Variants in RARS2 observed in about 807,000 individuals in gnomAD.
RARS2 encodes the protein probable arginine--tRNA ligase, mitochondrial.
A neutral mutation model predicts 88.5 loss-of-function variants in RARS2; 67 were observed. The observed-to-expected ratio is 0.76, with a 90% CI of 0.62 to 0.93. The LOEUF (loss-of-function observed/expected upper bound fraction) is 0.93. Among genes scored for constraint, RARS2 ranks in the 40% least tolerant of loss-of-function variants. The probability of loss-of-function intolerance (pLI) is 0.00; values close to 1 mark genes in which losing one functional copy is unlikely to be tolerated. For missense variants in RARS2, 664 were observed against 684.2 expected (o/e 0.97, Z 0.33); for synonymous variants, 239 against 230.3 (o/e 1.04, Z -0.34).
At chr6:87,550,323 G>A (rs1000192297) in intron 5 of RARS2, among the ~76,000 whole-genome samples, 3 of 152,148 alleles carry the variant, frequency 2.0e-5, no homozygotes, top group Admixed American at 6.5e-5. Flanking sequence ...AGCAAACAAG[G>A]GGAGTCCTAG....
rs750258974 is a variant in RARS2, at chr6:87,516,851, T to C, written c.1541A>G (p.Gln514Arg). The part of the protein sequence containing the change: ...RFDEVLYKSS[Q>R]DFQPRHIVSY... Reference sequence around the variant, plus strand: ...GACGATATGCCTGGGTTGAAAGTCCTGAGATGATTTATAAAGCACCTCGTC... The same window carrying C: ...GACGATATGCCTGGGTTGAAAGTCCCGAGATGATTTATAAAGCACCTCGTC... The change falls in exon 18 of 20, where the codon CAG becomes CGG. Residue 514 changes from glutamine to arginine, a missense_variant. Gln to Arg is a conservative substitution (Grantham distance 43, BLOSUM62 1). Transcript: ENST00000369536. 2 of 1,613,858 alleles carry C rather than the reference T, an allele frequency of 1.2e-6. No individual in the cohort carries two copies. The highest frequency in any genetic ancestry group is 1.7e-6 in the Non-Finnish European group (2 of 1,179,838).
chr6:87,578,268 A>G (rs1158322482), intron 1 of RARS2, among the ~76,000 whole-genome samples: 2 of 152,224 alleles, frequency 1.3e-5, no homozygotes, highest in Non-Finnish European at 2.9e-5. Flanking sequence ...ATAAAAACTC[A>G]TTATAATACA....
At chr6:87,530,653 T>A in intron 9 of RARS2, 131 bp downstream of exon 9, 1 of 1,236,658 alleles carries the variant, frequency 8.1e-7, no homozygotes, top group African/African-American at 1.5e-5. Context: ...AAAAAAAATT[T>A]GAGTCTTAAT....
intron 1 of RARS2, among the ~76,000 whole-genome samples, chr6:87,586,105 C>A (rs1384165547): frequency 1.3e-5 from 2 of 152,012 alleles, no homozygotes; most frequent in Admixed American, 6.6e-5. Context: ...TTTCTTGATA[C>A]ATGGAGAATG....
In RARS2 at chr6:87,530,708, C is replaced by T. The variant is rs1016941439; in HGVS notation, c.771+76G>A. The T allele has an allele frequency of 1.9e-5, 30 of 1,545,930 alleles. No homozygotes were observed. In the Middle Eastern group the frequency reaches 6.8e-4, roughly 35 times the overall value. On this transcript the variant is annotated intron_variant, in intron 9 of 19. Transcript: ENST00000369536. ...CTATTTTTAAAACACAAGCTTAACA[C>T]GCAACTTTACTATGCAGGTAACAGC... is the stretch of plus-strand genomic sequence containing the variant.
chr6:87,548,203 A>T (rs1281605461), intron 6 of RARS2, among the ~76,000 whole-genome samples: 1 of 152,118 alleles, frequency 6.6e-6, no homozygotes, highest in East Asian at 1.9e-4. Flanking sequence ...AGATTGCGCC[A>T]CTGCACTCCA....
At chr6:87,589,672 T>C in intron 1 of RARS2, 1 of 982,348 alleles carries the variant, frequency 1.0e-6, no homozygotes. Context: ...AGCTGTGGGG[T>C]GGGAAGGAGA....
chr6:87,529,689 T>C (rs367622665), intron 9 of RARS2, 41 bp from the exon 10 acceptor site: 12 of 1,414,266 alleles, frequency 8.5e-6, no homozygotes, highest in Admixed American at 6.7e-5. Context: ...AAATGTTAAT[T>C]GAATCTCCTA....
At chr6:87,572,649 C>T (rs1444273091) in intron 1 of RARS2, among the ~76,000 whole-genome samples, 1 of 152,066 alleles carries the variant, frequency 6.6e-6, no homozygotes, top group Non-Finnish European at 1.5e-5. Flanking sequence ...ACTGTAGCCT[C>T]GACCTCCTGG....
intron 8 of RARS2, among the ~76,000 whole-genome samples, chr6:87,535,270 A>G (rs1422193203): frequency 6.6e-6 from 1 of 152,212 alleles, no homozygotes; most frequent in African/African-American, 2.4e-5. Flanking sequence ...ATATCCCTAC[A>G]TATGATGAGA....
chr6:87,571,187 T>C (rs1337692821), intron 1 of RARS2, among the ~76,000 whole-genome samples: 1 of 152,152 alleles, frequency 6.6e-6, no homozygotes, highest in African/African-American at 2.4e-5. Flanking sequence ...CCATTCTGTT[T>C]TCGTGACAGT....
At chr6:87,516,447 C>T (rs1450643946) in intron 18 of RARS2, among the ~76,000 whole-genome samples, 1 of 152,178 alleles carries the variant, frequency 6.6e-6, no homozygotes, top group East Asian at 1.9e-4. Context: ...GGGCTTTCTT[C>T]TTCTTCCCAG....
rs1279324419 is a variant in RARS2, at chr6:87,584,570, A to C, written c.36+5352T>G. The C allele has an allele frequency of 4.6e-5, 15 of 325,958 alleles. No individual in the cohort carries two copies. The East Asian group carries it at 1.4e-3, about 31-fold the overall frequency. 20.2% of individuals were successfully genotyped at this position (325,958 alleles called of 1,614,324 possible). A position where few individuals can be genotyped will look rare whatever the true frequency, so the allele number is the denominator to read the frequency against. ...ATCATCTTACAGCTGACTTGCCAAG[A>C]GTTAGTTACACAAATAGTGAAGCTA... On this transcript the variant is annotated intron_variant, in intron 1 of 19. Coordinates refer to ENST00000369536, the MANE Select transcript of RARS2 (RefSeq NM_020320.5).
At chr6:87,561,080 T>C (rs763196794) in intron 4 of RARS2, among the ~76,000 whole-genome samples, 17 of 152,194 alleles carry the variant, frequency 1.1e-4, no homozygotes, top group Non-Finnish European at 2.1e-4. Flanking sequence ...ATCCTACTTA[T>C]TAAAAAATGG....
intron 6 of RARS2, 144 bp from the exon 7 acceptor site, chr6:87,545,843 T>C (rs1782470190): frequency 1.0e-6 from 1 of 980,232 alleles, no homozygotes; most frequent in African/African-American, 1.7e-5. Context: ...AAAACATTCA[T>C]CATTGTGTTT....
At position 87,560,913 on chromosome 6, in the gene RARS2, C is replaced by G. The variant is rs572040391; in HGVS notation, c.297+1789G>C. On this transcript the variant is annotated intron_variant, in intron 4 of 19. Transcript: ENST00000369536. ...CAAAAAAAACCATGCAAATGACCAT[C>G]ATCTGAGACCTAAAACTTATGGTGT... 1.1e-4 allele frequency among the ~76,000 whole-genome samples: 16 copies of G among 152,230 alleles called. No homozygotes were observed. In the South Asian group the frequency reaches 2.9e-3, roughly 28 times the overall value.
At chr6:87,547,765 G>A (rs983238477) in intron 6 of RARS2, among the ~76,000 whole-genome samples, 1 of 151,636 alleles carries the variant, frequency 6.6e-6, no homozygotes, top group African/African-American at 2.4e-5. Context: ...TCAGCCTCCT[G>A]AGTAGCTGGG....
intron 2 of RARS2, among the ~76,000 whole-genome samples, chr6:87,568,388 T>C (rs527515901): frequency 6.6e-6 from 1 of 152,142 alleles, no homozygotes; most frequent in Admixed American, 6.5e-5. Flanking sequence ...TAGTCCAAGC[T>C]ACTCTGGAGG....
At chr6:87,535,886 C>T (rs1483581697) in intron 8 of RARS2, among the ~76,000 whole-genome samples, 2 of 151,622 alleles carry the variant, frequency 1.3e-5, no homozygotes, top group Non-Finnish European at 2.9e-5. Context: ...AGTTTTGCCA[C>T]GTTGCTGAGG....
Sources: gnomAD v4.1 joint callset for allele counts (sites outside exome capture counted in the v4.1 genomes callset) on GRCh38, gnomAD v4.1.1 for gene constraint, MANE v1.5 for transcripts, NCBI Gene and HGNC (gene_info 2026-07-23, HGNC 2026-07-21) for gene names.